Variants in CRB2 observed in about 807,000 individuals in gnomAD.
The protein encoded by CRB2 is crumbs cell polarity complex component 2.
A neutral mutation model predicts 110.9 loss-of-function variants in CRB2; 85 were observed. That is an observed-to-expected ratio of 0.77 (90% confidence interval 0.64 to 0.92). CRB2 has a LOEUF of 0.92. Ranked by LOEUF, CRB2 falls within the 40% of genes least tolerant of loss-of-function variation. CRB2 has a pLI of 0.00. For missense variants in CRB2, 1,843 were observed against 1,851.3 expected (o/e 1.00, Z 0.08); for synonymous variants, 907 against 831.0 (o/e 1.09, Z -1.57).
rs755385172 is a variant in CRB2 at position 123,371,171 on chromosome 9, C to T, written c.2029C>T (p.Arg677Cys). The T allele has an allele frequency of 2.0e-5, 33 of 1,613,770 alleles. No individual in the cohort carries two copies. The highest frequency in any genetic ancestry group is 6.7e-5 in the East Asian group (3 of 44,886). ...CAACCTCACAGTGTCTTTCCTTCTC[C>T]GCACTCGGGAGTCCGCTGGCCTGTT... ...GPNLTVSFLLRTRESAGLLLQ... is the reference protein window; with the variant it reads ...GPNLTVSFLLCTRESAGLLLQ... Residue 677 changes from arginine to cysteine, a missense_variant, in exon 8 of 13, where the codon CGC becomes TGC. Physicochemically the swap from Arg to Cys is radical, Grantham distance 180. Coordinates refer to ENST00000373631, the MANE Select transcript of CRB2 (RefSeq NM_173689.7).
chr9:123,360,496 G>C (rs1473301806), intron 1 of CRB2, among the ~76,000 whole-genome samples: 1 of 152,022 alleles, frequency 6.6e-6, no homozygotes, highest in Non-Finnish European at 1.5e-5. Flanking sequence ...CTGGGCTATC[G>C]TGGCCTCCTA....
chr9:123,369,944 C>T (rs2041989052), intron 6 of CRB2, among the ~76,000 whole-genome samples, 164 bp from the exon 7 acceptor site: 1 of 152,088 alleles, frequency 6.6e-6, no homozygotes, highest in Non-Finnish European at 1.5e-5. Flanking sequence ...GGCATCTTGG[C>T]TTCTGGCCTA....
chr9:123,367,443 C>T (rs1409927703), intron 5 of CRB2, 86 bp downstream of exon 5: 4 of 991,678 alleles, frequency 4.0e-6, no homozygotes, highest in African/African-American at 5.2e-5. Context: ...CCCCCACCCC[C>T]CCACCCCACA....
chr9:123,366,364 C>T lies in CRB2; in HGVS notation c.752C>T (p.Pro251Leu), dbSNP rs757807964. The change falls in exon 4 of 13, where the codon CCA (proline) becomes CTA (leucine). Residue 251 changes from proline to leucine, a missense_variant and splice_region_variant. Coordinates refer to ENST00000373631, the MANE Select transcript of CRB2 (RefSeq NM_173689.7). The part of the protein sequence containing the change: ...GLGSFRCLCW[P>L]GYSGELCEVD... The stretch of plus-strand genomic sequence containing the variant: ...GGGAGCTTCCGCTGCCTCTGTTGGC[C>T]AGGTGTGTGCGTGCAGGTGCGCGGC... The T allele has an allele frequency of 6.5e-7, 1 of 1,547,008 alleles. No homozygotes were observed.
chr9:123,356,343 C>T lies in CRB2; in HGVS notation c.83C>T (p.Ser28Phe). Reference protein sequence around the residue: ...LLLLLWAPALSLLAGTVPSEP... With the variant: ...LLLLLWAPALFLLAGTVPSEP... ...CTGCTGCTCTGGGCCCCTGCCCTTT[C>T]CCTCCTGGCTGGTGAGTTGGGGCCC... The change falls in exon 1 of 13, where the codon TCC becomes TTC. Residue 28 changes from serine to phenylalanine, a missense_variant. Coordinates refer to ENST00000373631, the MANE Select transcript of CRB2 (RefSeq NM_173689.7). 6.5e-7 allele frequency: 1 copy of T among 1,547,012 alleles called. No individual in the cohort carries two copies. Among genetic ancestry groups the T allele is most frequent in the South Asian group, 1.2e-5 (1 of 83,642 alleles).
At chr9:123,365,820 T>A in intron 2 of CRB2, 97 bp from the exon 3 acceptor site, 3 of 861,164 alleles carry the variant, frequency 3.5e-6, no homozygotes, top group East Asian at 4.5e-5. Flanking sequence ...AATGAATGAA[T>A]CCACGAGTCT....
In CRB2 at chr9:123,357,028, C is replaced by T. The variant is rs533263788; in HGVS notation, c.94+674C>T. Among the ~76,000 whole-genome samples, 22 of 152,088 alleles carry T rather than the reference C, an allele frequency of 1.4e-4. 1 individual carries two copies. The South Asian group carries it at 2.9e-3, about 20-fold the overall frequency. On this transcript the variant is annotated intron_variant, in intron 1 of 12. Coordinates refer to ENST00000373631, the MANE Select transcript of CRB2 (RefSeq NM_173689.7). ...AGACTCAGGGAGCTGGGTGCCTGCC[C>T]GCACCCCTCCATTTGTGCGGTAGCC...
Position 123,372,176 on chromosome 9 carries a change from G to T in CRB2, c.2437-1G>T. ...CAACCCCTGCCCTGCCTCTCCCACA[G>T]CCTGACCCCTGTTTCAATGGTGGGA... On this transcript the variant is annotated splice_acceptor_variant, in intron 8 of 12. Coordinates refer to ENST00000373631, the MANE Select transcript of CRB2 (RefSeq NM_173689.7). LOFTEE classifies it high-confidence loss of function. The T allele has an allele frequency of 6.2e-7, 1 of 1,614,054 alleles. No homozygotes were observed.
chr9:123,372,058 G>A (rs972395044), intron 8 of CRB2, 119 bp from the exon 9 acceptor site: 23 of 1,003,626 alleles, frequency 2.3e-5, no homozygotes, highest in African/African-American at 1.6e-4. Flanking sequence ...CTCTCCCCTC[G>A]TTTGTGAGGA....
Position 123,373,175 on chromosome 9 carries a change from T to C in CRB2, c.2644T>C (p.Phe882Leu). Residue 882 changes from phenylalanine to leucine, a missense_variant, in exon 10 of 13, where the codon TTC becomes CTC. Physicochemically the swap from Phe to Leu is conservative, Grantham distance 22 (BLOSUM62 0). Transcript: ENST00000373631. ...ATFREGPPAA[F>L]SGHNASSGRL... ...GTTCCGCGAGGGTCCCCCCGCCGCG[T>C]TCAGCGGGCACAACGCGTCGTCAGG... The C allele has an allele frequency of 6.6e-7, 1 of 1,514,884 alleles. No individual in the cohort carries two copies. Among genetic ancestry groups the C allele is most frequent in the Non-Finnish European group, 8.8e-7 (1 of 1,137,588 alleles). The allele number at this position is 1,514,884 out of a possible 1,614,324, so 93.8% of individuals were successfully genotyped here. A position where few individuals can be genotyped will look rare whatever the true frequency, so the allele number is the denominator to read the frequency against.
chr9:123,372,073 CTG>C, intron 8 of CRB2, 102 bp from the exon 9 acceptor site: 1 of 1,121,486 alleles, frequency 8.9e-7, no homozygotes, highest in South Asian at 1.4e-5. Context: ...TGAGGAGATA[CTG>C]TGTCTGTAGT....
chr9:123,371,562 C>G lies in CRB2; in HGVS notation c.2420C>G (p.Ser807Cys), dbSNP rs1162362977. 6 of 1,612,926 alleles carry G rather than the reference C, an allele frequency of 3.7e-6. No homozygotes were observed. The South Asian group carries it at 6.6e-5, about 18-fold the overall frequency. The change falls in exon 8 of 13, where the codon TCC becomes TGC. Residue 807 changes from serine to cysteine, a missense_variant. Coordinates refer to ENST00000373631, the MANE Select transcript of CRB2 (RefSeq NM_173689.7). ...QSWNLTAGCVSEDMCSPDPCF... is the reference protein window; with the variant it reads ...QSWNLTAGCVCEDMCSPDPCF... ...TGGAACCTCACTGCGGGCTGCGTCT[C>G]CGAGGACATGTGCAGTGTAAGTGTC...
rs372182397 is a variant in CRB2 at position 123,362,872 on chromosome 9, G to A, written c.102G>A (p.Val34=). The A allele has an allele frequency of 2.5e-6, 4 of 1,579,098 alleles. No individual in the cohort carries two copies. In the African/African-American group the frequency reaches 4.0e-5, roughly 16 times the overall value. ...APALSLLAGT[V]PSEPPSACAS... ...AGTTTCTTCTTTCTACAGGGACGGTGCCTTCAGAGCCCCCCAGTGCCTGTG... is the reference window on the plus strand; with the variant it reads ...AGTTTCTTCTTTCTACAGGGACGGTACCTTCAGAGCCCCCCAGTGCCTGTG... Residue 34 remains valine (V), a synonymous_variant, in exon 2 of 13, where the codon GTG becomes GTA. Transcript: ENST00000373631.
At chr9:123,366,467 G>A (rs1028024139) in intron 4 of CRB2, 101 bp downstream of exon 4, 7 of 1,358,980 alleles carry the variant, frequency 5.2e-6, no homozygotes, top group Non-Finnish European at 6.7e-6. Flanking sequence ...GCGAGTGCCC[G>A]CTGGGTCCTC....
In CRB2 at chr9:123,373,200, G is replaced by A; in HGVS notation, c.2669G>A (p.Gly890Glu). 1 of 1,513,514 alleles carries A rather than the reference G, an allele frequency of 6.6e-7. No homozygotes were observed. Among genetic ancestry groups the A allele is most frequent in the Non-Finnish European group, 8.8e-7 (1 of 1,137,486 alleles). 93.8% of individuals were successfully genotyped at this position (1,513,514 alleles called of 1,614,324 possible). ...AAFSGHNASS[G>E]RLLGGLSLAF... ...TTCAGCGGGCACAACGCGTCGTCAGGGCGCTTGCTCGGCGGCCTGTCGCTG... is the reference window on the plus strand; with the variant it reads ...TTCAGCGGGCACAACGCGTCGTCAGAGCGCTTGCTCGGCGGCCTGTCGCTG... The change falls in exon 10 of 13, where the codon GGG becomes GAG. Residue 890 changes from glycine to glutamate, a missense_variant. Gly to Glu is a moderately conservative substitution (Grantham distance 98). Transcript: ENST00000373631.
Position 123,356,256 on chromosome 9 carries a change from C to A in CRB2, c.-5C>A. On this transcript the variant is annotated 5_prime_UTR_variant, in exon 1 of 13. The change creates a new upstream start codon in the 5' untranslated region. Transcript: ENST00000373631. Reference sequence around the variant, plus strand: ...GCAGCCGAGCAGAGCGCAGAGCGGGCTGCCATGGCGCTGGCCAGGCCTGGG... The same window carrying A: ...GCAGCCGAGCAGAGCGCAGAGCGGGATGCCATGGCGCTGGCCAGGCCTGGG... The A allele has an allele frequency of 1.3e-6, 2 of 1,493,434 alleles. No individual in the cohort carries two copies. The highest frequency in any genetic ancestry group is 1.8e-6 in the Non-Finnish European group (2 of 1,125,364). 92.5% of individuals were successfully genotyped at this position (1,493,434 alleles called of 1,614,324 possible).
rs376907493 is a variant in CRB2 at position 123,363,208 on chromosome 9, T to C, written c.418+20T>C. ...ATGCAGGTAACAGCCTGGGCCGCCC[T>C]GGGAGGAGGTCTGTAATGCAGATCG... On this transcript the variant is annotated intron_variant, in intron 2 of 12. Transcript: ENST00000373631. 1.3e-5 allele frequency: 20 copies of C among 1,579,488 alleles called. No individual in the cohort carries two copies. The South Asian group carries it at 1.7e-4, about 13-fold the overall frequency.
In CRB2 at chr9:123,367,595, G is replaced by A. The variant is rs1174604368; in HGVS notation, c.963G>A (p.Val321=). The A allele has an allele frequency of 1.9e-6, 3 of 1,561,358 alleles. No individual in the cohort carries two copies. Among genetic ancestry groups the A allele is most frequent in the African/African-American group, 1.4e-5 (1 of 73,454 alleles). ...CAGGAGCCGACTGCGGTGTGGAGGT[G>A]GACGAGTGTGCCTCACGGCCATGCC... is the stretch of plus-strand genomic sequence containing the variant. The part of the protein sequence containing the change: ...GFEGADCGVE[V]DECASRPCLN... The change falls in exon 6 of 13, where the codon GTG becomes GTA. Residue 321 remains valine, a synonymous_variant. Transcript: ENST00000373631.
chr9:123,374,456 C>T (rs1389977574), intron 10 of CRB2, 123 bp from the exon 11 acceptor site: 2 of 698,964 alleles, frequency 2.9e-6, no homozygotes, highest in Non-Finnish European at 5.0e-6. Flanking sequence ...ATCCCATGCC[C>T]AATAGAGGAA....
Sources: gnomAD v4.1 joint callset for allele counts (sites outside exome capture counted in the v4.1 genomes callset) on GRCh38, gnomAD v4.1.1 for gene constraint, MANE v1.5 for transcripts, NCBI Gene and HGNC (gene_info 2026-07-23, HGNC 2026-07-21) for gene names.